CDH12: variants seen among roughly 807,000 people sequenced by gnomAD.
CDH12 encodes the protein cadherin 12, also known as cadherin-12.
In CDH12, 41 loss-of-function variants were observed where a neutral mutation model predicts 74.1. The ratio of observed to expected loss-of-function variants is 0.55; its 90% confidence interval spans 0.43 to 0.72. The LOEUF (loss-of-function observed/expected upper bound fraction) is 0.72. Among genes scored for constraint, CDH12 ranks in the 30% least tolerant of loss-of-function variants. The probability of loss-of-function intolerance (pLI) is 0.00; values close to 1 mark genes in which losing one functional copy is unlikely to be tolerated. For synonymous variants in CDH12, 399 were observed against 355.0 expected (o/e 1.12, Z -1.39); for missense variants, 945 against 977.2 (o/e 0.97, Z 0.44).
chr5:21,886,121 G>C (rs1752615000), intron 6 of CDH12, among the ~76,000 whole-genome samples: 1 of 152,032 alleles, frequency 6.6e-6, no homozygotes, highest in African/African-American at 2.4e-5. Context: ...CTTTCATGTT[G>C]CTCTCTGGAA....
chr5:22,302,067 A>G (rs1012705076), intron 3 of CDH12, among the ~76,000 whole-genome samples: 2 of 152,064 alleles, frequency 1.3e-5, no homozygotes, highest in African/African-American at 4.8e-5. Flanking sequence ...TAAATACATA[A>G]AATACAAAAA....
intron 3 of CDH12, among the ~76,000 whole-genome samples, chr5:22,399,700 A>T (rs550388587): frequency 3.5e-4 from 53 of 151,912 alleles, no homozygotes; most frequent in Non-Finnish European, 6.6e-4. Flanking sequence ...ATTTCTTCCC[A>T]GACTAATGAT....
chr5:22,628,569 T>C (rs1738417803), intron 1 of CDH12, among the ~76,000 whole-genome samples: 1 of 152,106 alleles, frequency 6.6e-6, no homozygotes, highest in Non-Finnish European at 1.5e-5. Flanking sequence ...AGACACAACA[T>C]ACCAGGATCT....
At chr5:22,685,699 A>G (rs1446152529) in intron 1 of CDH12, among the ~76,000 whole-genome samples, 1 of 152,166 alleles carries the variant, frequency 6.6e-6, no homozygotes, top group Non-Finnish European at 1.5e-5. Flanking sequence ...TGTGTTTTCA[A>G]GGTTCATCAA....
chr5:22,227,835 G>C (rs1752247407), intron 3 of CDH12, among the ~76,000 whole-genome samples: 2 of 152,106 alleles, frequency 1.3e-5, no homozygotes, highest in Non-Finnish European at 2.9e-5. Context: ...TTTGGAAACA[G>C]AGTAATTCCA....
chr5:22,138,894 T>A (rs1219985131), intron 4 of CDH12, among the ~76,000 whole-genome samples: 1 of 99,312 alleles, frequency 1.0e-5, no homozygotes, highest in East Asian at 2.6e-4. Flanking sequence ...GACTCATCGA[T>A]GTACATGAAG....
chr5:21,902,388 A>T (rs1293632643), intron 6 of CDH12, among the ~76,000 whole-genome samples: 2 of 151,756 alleles, frequency 1.3e-5, no homozygotes, highest in Non-Finnish European at 2.9e-5. Flanking sequence ...TGCTACTCTA[A>T]GTATGTTTCC....
intron 3 of CDH12, among the ~76,000 whole-genome samples, chr5:22,324,996 C>A (rs544945938): frequency 6.6e-6 from 1 of 152,226 alleles, no homozygotes; most frequent in Admixed American, 6.5e-5. Flanking sequence ...GAATGCCATT[C>A]ATTAAAAATT....
intron 5 of CDH12, among the ~76,000 whole-genome samples, chr5:22,023,666 A>T (rs1738152747): frequency 6.6e-6 from 1 of 152,128 alleles, no homozygotes; most frequent in Non-Finnish European, 1.5e-5. Context: ...GACTGGTATC[A>T]AAGTAGAGGC....
intron 1 of CDH12, among the ~76,000 whole-genome samples, chr5:22,776,312 A>G (rs533190866): frequency 6.6e-6 from 1 of 152,312 alleles, no homozygotes; most frequent in Admixed American, 6.5e-5. Context: ...ATGTTATTTA[A>G]TAATTAATTC....
chr5:22,507,444 T>A (rs1736434670), intron 1 of CDH12, among the ~76,000 whole-genome samples: 1 of 152,172 alleles, frequency 6.6e-6, no homozygotes, highest in Non-Finnish European at 1.5e-5. Context: ...TTAACATTTT[T>A]ATTATAAAAG....
At chr5:22,504,936 A>G (rs1452915086) in intron 2 of CDH12, among the ~76,000 whole-genome samples, 3 of 152,008 alleles carry the variant, frequency 2.0e-5, no homozygotes, top group African/African-American at 7.2e-5. Flanking sequence ...AAAGGCAGAA[A>G]TCACTTTCTG....
intron 6 of CDH12, among the ~76,000 whole-genome samples, chr5:21,973,720 T>C (rs1257481814): frequency 6.6e-6 from 1 of 152,224 alleles, no homozygotes; most frequent in African/African-American, 2.4e-5. Flanking sequence ...ATATAGCATG[T>C]CATCTTAAAA....
intron 5 of CDH12, among the ~76,000 whole-genome samples, chr5:22,021,984 T>C (rs534504250): frequency 6.6e-6 from 1 of 152,290 alleles, no homozygotes; most frequent in East Asian, 1.9e-4. Flanking sequence ...TACAGTCACA[T>C]GACACTATGC....
At chr5:22,774,567 T>C (rs919903732) in intron 1 of CDH12, among the ~76,000 whole-genome samples, 5 of 152,064 alleles carry the variant, frequency 3.3e-5, no homozygotes, top group Non-Finnish European at 1.5e-5. Context: ...ATTTACTAAG[T>C]CCCATGAGAT....
intron 5 of CDH12, among the ~76,000 whole-genome samples, chr5:22,064,000 C>G (rs1274234292): frequency 6.7e-6 from 1 of 149,878 alleles, no homozygotes; most frequent in Admixed American, 6.6e-5. Flanking sequence ...CACACACACA[C>G]ACACACACAC....
At chr5:21,979,901 C>G (rs1433849900) in intron 5 of CDH12, among the ~76,000 whole-genome samples, 2 of 151,758 alleles carry the variant, frequency 1.3e-5, no homozygotes, top group Non-Finnish European at 2.9e-5. Context: ...ACAGTCCCAC[C>G]AACAGTGTAA....
chr5:22,625,591 TTAG>T (rs1236054231), intron 1 of CDH12, among the ~76,000 whole-genome samples: 4 of 152,128 alleles, frequency 2.6e-5, no homozygotes, highest in Non-Finnish European at 5.9e-5. Context: ...TTAGCTGGCT[TTAG>T]CTTTTGGGTA....
chr5:21,789,131 G>GTTTC (rs1174942751), intron 10 of CDH12, among the ~76,000 whole-genome samples: 1 of 151,890 alleles, frequency 6.6e-6, no homozygotes, highest in Non-Finnish European at 1.5e-5. Context: ...ATATAGAAAT[G>GTTTC]TTTCTTCTAT....
Sources: allele counts gnomAD v4.1 joint callset (sites outside exome capture counted in the v4.1 genomes callset), GRCh38; gene constraint gnomAD v4.1.1; transcripts MANE v1.5; gene names NCBI Gene and HGNC (gene_info 2026-07-23, HGNC 2026-07-21).